The following FRMPD1 variants were observed in gnomAD, a reference collection of about 807,000 sequenced individuals.
The protein encoded by FRMPD1 is FERM and PDZ domain containing 1.
FRMPD1 carries 76 observed loss-of-function variants against 117.8 expected under a neutral mutation model. That is an observed-to-expected ratio of 0.65 (90% CI 0.54 to 0.78). The LOEUF is 0.78. Ranked by LOEUF, FRMPD1 falls within the 30% of genes least tolerant of loss-of-function variation. The pLI, the probability that FRMPD1 is intolerant of heterozygous loss-of-function variation, is 0.00. For missense variants in FRMPD1, 1,786 were observed against 1,964.5 expected, an observed-to-expected ratio of 0.91 and a Z score of 1.72; for synonymous variants, 783 against 770.4, an observed-to-expected ratio of 1.02 and a Z score of -0.27.
At chr9:37,705,284 A>G (rs1393879349) in intron 2 of FRMPD1, among the ~76,000 whole-genome samples, 1 of 152,044 alleles carries the variant, frequency 6.6e-6, no homozygotes, top group African/African-American at 2.4e-5. Context: ...TTCCCTGATA[A>G]CTATTATTAG....
rs60987884 is a variant in FRMPD1, at chr9:37,681,179, C to T, written c.-4-11459C>T. Among the ~76,000 whole-genome samples, 4 of 141,802 alleles carry T rather than the reference C, an allele frequency of 2.8e-5. No homozygotes were observed. The East Asian group carries it at 6.1e-4, about 22-fold the overall frequency. 93.0% of individuals were successfully genotyped at this position (141,802 alleles called of 152,430 possible). A position where few individuals can be genotyped will look rare whatever the true frequency, so the allele number is the denominator to read the frequency against. ...AGTGAGCCAAGATGGGGCCACTGCA[C>T]TCCAGCCTGGGAGACAAAGCCAGAC... is the stretch of plus-strand genomic sequence containing the variant. On this transcript the variant is annotated intron_variant, in intron 1 of 15. Transcript: ENST00000377765.
At chr9:37,693,001 CACAG>C (rs1822198951) in intron 2 of FRMPD1, 1 of 538,426 alleles carries the variant, frequency 1.9e-6, no homozygotes, top group Non-Finnish European at 3.4e-6. Flanking sequence ...CACACTGACA[CACAG>C]ACATACACAC....
Position 37,708,405 on chromosome 9 carries a change from C to T in FRMPD1, c.266C>T (p.Ser89Phe), listed in dbSNP as rs1822790907. The T allele has an allele frequency of 6.2e-7, 1 of 1,605,694 alleles. No individual in the cohort carries two copies. The highest frequency in any genetic ancestry group is 1.7e-5 in the Admixed American group (1 of 59,974). Residue 89 changes from serine (S) to phenylalanine (F), a missense_variant, in exon 4 of 16, where the codon TCT becomes TTT. Ser to Phe is a radical substitution (Grantham distance 155). Coordinates refer to ENST00000377765, the MANE Select transcript of FRMPD1 (RefSeq NM_014907.3). Reference sequence around the variant, plus strand: ...CTTATTTTCTGTCCAACAGGAGGCTCTGCTCACGGCAAGCTTTTCCCTGGT... The same window carrying T: ...CTTATTTTCTGTCCAACAGGAGGCTTTGCTCACGGCAAGCTTTTCCCTGGT... ...LTVVAVTAGGSAHGKLFPGDQ... is the reference protein window; with the variant it reads ...LTVVAVTAGGFAHGKLFPGDQ...
intron 1 of FRMPD1, among the ~76,000 whole-genome samples, chr9:37,662,802 A>G (rs1172977098): frequency 6.6e-6 from 1 of 152,190 alleles, no homozygotes; most frequent in Non-Finnish European, 1.5e-5. Context: ...CCAAGTCTTC[A>G]GAATAGATTG....
the FRMPD1 span, among the ~76,000 whole-genome samples, chr9:37,618,472 T>C: frequency 6.6e-6 from 1 of 152,072 alleles, no homozygotes; most frequent in Non-Finnish European, 1.5e-5. Flanking sequence ...TCTTTTCTCA[T>C]CCACAATCCA....
the FRMPD1 span, among the ~76,000 whole-genome samples, chr9:37,641,993 A>G: frequency 2.0e-5 from 3 of 152,262 alleles, no homozygotes; most frequent in Admixed American, 2.0e-4. Flanking sequence ...GGCTTGACCA[A>G]AATAACCTAG....
upstream of FRMPD1, among the ~76,000 whole-genome samples, chr9:37,649,596 C>A (rs1043084348): frequency 1.8e-4 from 27 of 152,210 alleles, no homozygotes; most frequent in African/African-American, 5.8e-4. Flanking sequence ...AAAGGAGGAG[C>A]ACCTGCCTTC....
At chr9:37,697,391 G>A (rs1043531657) in intron 2 of FRMPD1, among the ~76,000 whole-genome samples, 1 of 151,414 alleles carries the variant, frequency 6.6e-6, no homozygotes, top group African/African-American at 2.4e-5. Context: ...GTGAAATCCC[G>A]TCTCTGCTAA....
Position 37,694,468 on chromosome 9 carries a change from A to G in FRMPD1, c.101+1726A>G, listed in dbSNP as rs185211614. The stretch of plus-strand genomic sequence containing the variant: ...TATCTAATTTTAGAATATTTTCAAT[A>G]CTATAAAAAGAAACCCTGTGCCCTT... On this transcript the variant is annotated intron_variant, in intron 2 of 15. Coordinates refer to ENST00000377765, the MANE Select transcript of FRMPD1 (RefSeq NM_014907.3). Among the ~76,000 whole-genome samples the G allele has an allele frequency of 5.3e-3, 813 of 152,324 alleles. 8 individuals are homozygous for G. The highest frequency in any genetic ancestry group is 0.019 in the African/African-American group (787 of 41,578).
chr9:37,636,756 C>G, the FRMPD1 span: 1 of 1,602,384 alleles, frequency 6.2e-7, no homozygotes, highest in Non-Finnish European at 8.5e-7. Context: ...CGCTCGCCCC[C>G]GGAGGCTGCT....
chr9:37,641,955 T>C, the FRMPD1 span, among the ~76,000 whole-genome samples: 84 of 152,372 alleles, frequency 5.5e-4, no homozygotes, highest in African/African-American at 2.0e-3. Context: ...CTATGTTTTG[T>C]AGGTGAAGAT....
At chr9:37,664,786 G>A (rs550828676) in intron 1 of FRMPD1, among the ~76,000 whole-genome samples, 2 of 152,264 alleles carry the variant, frequency 1.3e-5, no homozygotes, top group Admixed American at 6.5e-5. Flanking sequence ...GCAAACAGAA[G>A]CCCCCTTATA....
At chr9:37,639,179 C>A in the FRMPD1 span, among the ~76,000 whole-genome samples, 3 of 152,240 alleles carry the variant, frequency 2.0e-5, no homozygotes, top group African/African-American at 7.2e-5. Flanking sequence ...TGTACAACTT[C>A]TCAAACCTTG....
intron 4 of FRMPD1, among the ~76,000 whole-genome samples, chr9:37,709,727 G>A (rs1309127910): frequency 6.6e-6 from 1 of 152,148 alleles, no homozygotes; most frequent in Admixed American, 6.5e-5. Context: ...TGGAGGTGAA[G>A]GGTGATTCAG....
At chr9:37,708,031 G>T (rs1407689048) in intron 3 of FRMPD1, among the ~76,000 whole-genome samples, 1 of 152,330 alleles carries the variant, frequency 6.6e-6, no homozygotes, top group East Asian at 1.9e-4. Flanking sequence ...CATAATTGAG[G>T]TGTGTTAATC....
Position 37,733,809 on chromosome 9 carries a change from T to C in FRMPD1, c.1202T>C (p.Phe401Ser). The C allele has an allele frequency of 6.4e-7, 1 of 1,551,452 alleles. No homozygotes were observed. The highest frequency in any genetic ancestry group is 8.9e-7 in the Non-Finnish European group (1 of 1,123,098). The change falls in exon 12 of 16, where the codon TTT becomes TCT. Residue 401 changes from phenylalanine (F) to serine (S), a missense_variant. Phe to Ser is a radical substitution (Grantham distance 155). Coordinates refer to ENST00000377765, the MANE Select transcript of FRMPD1 (RefSeq NM_014907.3). ...CTCAAGACATATGGTGGAAGAATCT[T>C]TAATGCTACTTTAATGGTATGTATT... The part of the protein sequence containing the change: ...GELKTYGGRI[F>S]NATLMLQDRE...
At chr9:37,654,804 C>G (rs1157557411) in intron 1 of FRMPD1, among the ~76,000 whole-genome samples, 3 of 152,226 alleles carry the variant, frequency 2.0e-5, no homozygotes, top group Non-Finnish European at 4.4e-5. Context: ...CAAGAGCAGG[C>G]TCTCTGCCCC....
chr9:37,731,037 T>G lies in FRMPD1; in HGVS notation c.792T>G (p.Phe264Leu). ...HDYRCLFRVCFVPKDPLDLLK... is the reference protein window; with the variant it reads ...HDYRCLFRVCLVPKDPLDLLK... ...ACCGCTGCCTCTTCAGGGTCTGTTT[T>G]GTTCCCAAGGACCCCCTGGACCTCC... The change falls in exon 9 of 16, where the codon TTT (phenylalanine) becomes TTG (leucine). Residue 264 changes from phenylalanine (F) to leucine (L), a missense_variant. By Grantham distance (22) the Phe-to-Leu change is conservative. Coordinates refer to ENST00000377765, the MANE Select transcript of FRMPD1 (RefSeq NM_014907.3). 1 of 1,613,816 alleles carries G rather than the reference T, an allele frequency of 6.2e-7. No homozygotes were observed. Among genetic ancestry groups the G allele is most frequent in the Non-Finnish European group, 8.5e-7 (1 of 1,179,684 alleles).
intron 4 of FRMPD1, 28 bp from the exon 5 acceptor site, chr9:37,711,322 T>G: frequency 6.5e-7 from 1 of 1,527,928 alleles, no homozygotes; most frequent in Non-Finnish European, 9.1e-7. Context: ...CGACTAAATG[T>G]TTTTGTCTTT....
Sources: allele counts gnomAD v4.1 joint callset (sites outside exome capture counted in the v4.1 genomes callset), GRCh38; gene constraint gnomAD v4.1.1; transcripts MANE v1.5; gene names NCBI Gene and HGNC (gene_info 2026-07-23, HGNC 2026-07-21).